Variants in HYCC1 observed in about 807,000 individuals in gnomAD.
HYCC1 encodes the protein hyccin.
the HYCC1 span, among the ~76,000 whole-genome samples, chr7:22,924,014 A>AC: frequency 3.0e-5 from 4 of 133,996 alleles, no homozygotes; most frequent in East Asian, 4.4e-4. Context: ...AAAAAAAAAA[A>AC]CCCAAAAAAA....
At chr7:22,897,190 C>G in the HYCC1 span, among the ~76,000 whole-genome samples, 1 of 152,192 alleles carries the variant, frequency 6.6e-6, no homozygotes, top group Middle Eastern at 3.4e-3. Context: ...GTTCCAAGAA[C>G]GACAAGCTGG....
At chr7:22,970,012 T>C in the HYCC1 span, among the ~76,000 whole-genome samples, 1,777 of 148,256 alleles carry the variant, frequency 0.012, 32 homozygotes, top group African/African-American at 0.04. Flanking sequence ...GTTGTTATTA[T>C]ACAACTAAAA....
At chr7:22,930,372 A>G in the HYCC1 span, among the ~76,000 whole-genome samples, 1 of 148,790 alleles carries the variant, frequency 6.7e-6, no homozygotes, top group Non-Finnish European at 1.5e-5. Context: ...ATTAGAAACA[A>G]AGTAAAAAGA....
chr7:22,916,505 A>C, the HYCC1 span, among the ~76,000 whole-genome samples: 1 of 152,136 alleles, frequency 6.6e-6, no homozygotes, highest in Non-Finnish European at 1.5e-5. Context: ...GTGCAGTCAA[A>C]ATTCTTACAC....
At chr7:22,941,719 A>G in the HYCC1 span, 1 of 152,190 alleles carries the variant, frequency 6.6e-6, no homozygotes, top group Non-Finnish European at 1.5e-5. Flanking sequence ...AAGACAATAT[A>G]TTTATGCTCT....
At chr7:22,989,839 C>T in the HYCC1 span, among the ~76,000 whole-genome samples, 2 of 152,170 alleles carry the variant, frequency 1.3e-5, no homozygotes, top group African/African-American at 4.8e-5. Context: ...TTAAAATTAA[C>T]AGGAAACGGT....
At chr7:22,967,403 T>C in the HYCC1 span, among the ~76,000 whole-genome samples, 4 of 152,138 alleles carry the variant, frequency 2.6e-5, no homozygotes, top group African/African-American at 9.7e-5. Flanking sequence ...CAGCATGACA[T>C]TGAGGAGACT....
the HYCC1 span, chr7:22,983,752 T>C: frequency 1.6e-5 from 9 of 552,346 alleles, no homozygotes; most frequent in Non-Finnish European, 2.9e-5. Flanking sequence ...AGAGAGAAAA[T>C]GTTCAGAGAT....
the HYCC1 span, chr7:22,941,845 A>G: frequency 6.6e-6 from 1 of 152,168 alleles, no homozygotes; most frequent in African/African-American, 2.4e-5. Flanking sequence ...AGGACTAGAG[A>G]GTTTTAATTT....
the HYCC1 span, chr7:22,940,837 G>C: frequency 6.9e-6 from 1 of 145,252 alleles, no homozygotes; most frequent in Non-Finnish European, 1.5e-5. Context: ...TTTTTTTTAA[G>C]AGATAAGATC....
the HYCC1 span, chr7:22,983,761 A>G: frequency 7.1e-6 from 4 of 567,018 alleles, no homozygotes; most frequent in Non-Finnish European, 9.4e-6. Flanking sequence ...ATGTTCAGAG[A>G]TGGCTTCTGG....
the HYCC1 span, among the ~76,000 whole-genome samples, chr7:22,898,599 CTTTTCTTT>C: frequency 2.1e-5 from 2 of 93,324 alleles, no homozygotes; most frequent in Non-Finnish European, 4.3e-5. Flanking sequence ...CTTTTCTTTT[CTTTTCTTT>C]TTTTTTTTTT....
At chr7:22,927,727 T>C in the HYCC1 span, among the ~76,000 whole-genome samples, 567 of 152,254 alleles carry the variant, frequency 3.7e-3, 5 homozygotes, top group African/African-American at 0.013. Flanking sequence ...CAGGACCAGA[T>C]GGATTCACAG....
chr7:22,956,902 G>A, the HYCC1 span, among the ~76,000 whole-genome samples: 1 of 151,902 alleles, frequency 6.6e-6, no homozygotes, highest in African/African-American at 2.4e-5. Context: ...TCTGAAATGT[G>A]TAGAAATGTT....
the HYCC1 span, among the ~76,000 whole-genome samples, chr7:22,999,883 C>A: frequency 1.3e-5 from 2 of 151,962 alleles, no homozygotes. Context: ...CAAGGTAGCA[C>A]CTTACATTTT....
chr7:22,993,310 GA>G, the HYCC1 span, among the ~76,000 whole-genome samples: 1 of 152,116 alleles, frequency 6.6e-6, no homozygotes, highest in African/African-American at 2.4e-5. Flanking sequence ...AAATGCAAGA[GA>G]GTACTTTCAT....
chr7:22,905,314 C>G, the HYCC1 span, among the ~76,000 whole-genome samples: 1 of 151,810 alleles, frequency 6.6e-6, no homozygotes, highest in Non-Finnish European at 1.5e-5. Flanking sequence ...AAGCGATTCT[C>G]CTGTCTCAGC....
the HYCC1 span, among the ~76,000 whole-genome samples, chr7:22,982,735 G>T: frequency 6.6e-6 from 1 of 151,840 alleles, no homozygotes; most frequent in Non-Finnish European, 1.5e-5. Flanking sequence ...CTTTTCATTT[G>T]CCAATCTATC....
the HYCC1 span, among the ~76,000 whole-genome samples, chr7:23,010,783 AAATT>A: frequency 6.6e-6 from 1 of 152,204 alleles, no homozygotes; most frequent in Non-Finnish European, 1.5e-5. Context: ...AGATTATTGT[AAATT>A]ATTATTACAT....
Sources: gnomAD v4.1 joint callset for allele counts (sites outside exome capture counted in the v4.1 genomes callset) on GRCh38, gnomAD v4.1.1 for gene constraint, MANE v1.5 for transcripts, NCBI Gene and HGNC (gene_info 2026-07-23, HGNC 2026-07-21) for gene names.